Variants in AIG1 observed in about 807,000 individuals in gnomAD.
AIG1 encodes the protein androgen-induced gene 1 protein.
Under a neutral mutation model 31.4 loss-of-function variants are expected in AIG1, and 23 were observed. The ratio of observed to expected loss-of-function variants is 0.73; its 90% CI spans 0.53 to 1.04. AIG1 has a LOEUF of 1.04. AIG1 is among the 50% of genes least tolerant of loss of function. AIG1 has a pLI of 0.00. For missense variants in AIG1, 274 were observed against 295.0 expected (o/e 0.93, Z 0.52); for synonymous variants, 100 against 110.5 (o/e 0.90, Z 0.60).
downstream of AIG1, chr6:143,342,809 A>G: frequency 1.3e-6 from 1 of 798,706 alleles, no homozygotes; most frequent in Non-Finnish European, 2.3e-6. Flanking sequence ...CCTTCTCTGC[A>G]GTGGACAGTG....
chr6:143,106,156 T>G (rs936118858), intron 1 of AIG1, among the ~76,000 whole-genome samples: 1 of 152,134 alleles, frequency 6.6e-6, no homozygotes, highest in African/African-American at 2.4e-5. Flanking sequence ...TGACTGGTAT[T>G]CTTATAAAAA....
chr6:143,059,490 A>G (rs1013728522), upstream of AIG1, among the ~76,000 whole-genome samples: 1 of 152,206 alleles, frequency 6.6e-6, no homozygotes, highest in Non-Finnish European at 1.5e-5. Context: ...AGGATGCACA[A>G]TTAAAAAAAT....
intron 4 of AIG1, among the ~76,000 whole-genome samples, chr6:143,308,056 G>A (rs1329082297): frequency 3.9e-5 from 6 of 152,254 alleles, no homozygotes; most frequent in Admixed American, 6.5e-5. Context: ...TAAGCCCATC[G>A]GAGAAGCGCA....
chr6:143,064,070 T>C (rs1434324090), intron 1 of AIG1, among the ~76,000 whole-genome samples: 1 of 152,206 alleles, frequency 6.6e-6, no homozygotes, highest in Non-Finnish European at 1.5e-5. Flanking sequence ...AAAAGAACAC[T>C]GTCTTGGTGT....
chr6:143,217,301 T>C (rs1053939795), intron 3 of AIG1, among the ~76,000 whole-genome samples: 1 of 152,196 alleles, frequency 6.6e-6, no homozygotes, highest in Non-Finnish European at 1.5e-5. Context: ...ATCAAAAACT[T>C]GGATTGATAT....
chr6:143,178,845 T>C (rs964177023), intron 3 of AIG1, among the ~76,000 whole-genome samples: 7 of 152,202 alleles, frequency 4.6e-5, no homozygotes, highest in African/African-American at 1.7e-4. Context: ...GGTCTCTTTG[T>C]TGGAGTTTGT....
intron 4 of AIG1, among the ~76,000 whole-genome samples, chr6:143,289,929 A>C (rs986626438): frequency 1.3e-5 from 2 of 152,214 alleles, no homozygotes; most frequent in African/African-American, 4.8e-5. Context: ...CCAGTTAAAC[A>C]AATCTGGCCG....
intron 1 of AIG1, among the ~76,000 whole-genome samples, chr6:143,070,263 A>G (rs901896248): frequency 6.6e-6 from 1 of 152,192 alleles, no homozygotes; most frequent in Admixed American, 6.5e-5. Flanking sequence ...GATTTGGGGA[A>G]AGTTGGACAT....
At chr6:143,143,005 C>T (rs1784369307) in intron 2 of AIG1, among the ~76,000 whole-genome samples, 1 of 151,954 alleles carries the variant, frequency 6.6e-6, no homozygotes, top group Admixed American at 6.6e-5. Flanking sequence ...AGTCATAAAC[C>T]TACAACTTAA....
At chr6:143,114,832 C>G (rs1273104888) in intron 1 of AIG1, among the ~76,000 whole-genome samples, 1 of 152,260 alleles carries the variant, frequency 6.6e-6, no homozygotes, top group Middle Eastern at 3.4e-3. Flanking sequence ...ATGTAATATG[C>G]TTTTCTGTGC....
chr6:143,291,712 CCCATTCAGGGTT>C lies in AIG1; in HGVS notation c.515+7491_515+7502del, dbSNP rs1798074026. Among the ~76,000 whole-genome samples, 1 of 152,194 alleles carries C rather than the reference CCCATTCAGGGTT, an allele frequency of 6.6e-6. No homozygotes were observed. Among genetic ancestry groups the C allele is most frequent in the Non-Finnish European group, 1.5e-5 (1 of 68,028 alleles). On this transcript the variant is annotated intron_variant, in intron 4 of 5. Transcript: ENST00000357847. The surrounding 1 kb of genome is among the most constrained non-coding windows in gnomAD (Gnocchi z 4.2). The stretch of plus-strand genomic sequence containing the variant: ...ATGGAATAAATAAGTAAACCCCCCT[CCCATTCAGGGTT>C]CCAGCAATAAGCCTGCTGTGTTCAA...
intron 1 of AIG1, among the ~76,000 whole-genome samples, chr6:143,074,781 GT>G (rs1438926145): frequency 6.6e-6 from 1 of 152,054 alleles, no homozygotes; most frequent in Non-Finnish European, 1.5e-5. Flanking sequence ...ATTTTGTTGA[GT>G]TTTTTTGCCT....
At chr6:143,179,174 C>T (rs1394645234) in intron 3 of AIG1, among the ~76,000 whole-genome samples, 1 of 152,160 alleles carries the variant, frequency 6.6e-6, no homozygotes, top group African/African-American at 2.4e-5. Flanking sequence ...TGACAAGTAC[C>T]AGCATTATCA....
intron 3 of AIG1, among the ~76,000 whole-genome samples, chr6:143,267,315 T>C (rs1328364587): frequency 2.0e-5 from 3 of 152,202 alleles, no homozygotes; most frequent in African/African-American, 7.2e-5. Flanking sequence ...TCCTAGTCAT[T>C]CTTTATTCCT....
intron 3 of AIG1, among the ~76,000 whole-genome samples, chr6:143,186,088 G>A (rs1328184293): frequency 1.3e-5 from 2 of 152,174 alleles, no homozygotes; most frequent in Non-Finnish European, 2.9e-5. Flanking sequence ...AGCGCTCACA[G>A]CCCATGAGAG....
chr6:143,222,853 A>C (rs1792644565), intron 3 of AIG1, among the ~76,000 whole-genome samples: 1 of 152,218 alleles, frequency 6.6e-6, no homozygotes, highest in Non-Finnish European at 1.5e-5. Flanking sequence ...AAAAGTTCCA[A>C]AGCAGCTCCA....
At chr6:143,071,686 T>G (rs868542409) in intron 1 of AIG1, among the ~76,000 whole-genome samples, 5 of 148,672 alleles carry the variant, frequency 3.4e-5, no homozygotes, top group Admixed American at 1.3e-4. Context: ...TGGTTCTTTT[T>G]TTGTTGTTGT....
Position 143,339,859 on chromosome 6 carries a change from A to T in AIG1, c.*183A>T, listed in dbSNP as rs1333881004. The stretch of plus-strand genomic sequence containing the variant: ...CATAGAATACAGTTGTTTCCAAAAG[A>T]ACTCACCCTCACTGTGTGTTAAAGA... On this transcript the variant is annotated 3_prime_UTR_variant, in exon 6 of 6. Coordinates refer to ENST00000357847, the MANE Select transcript of AIG1 (RefSeq NM_016108.4). The T allele has an allele frequency of 1.1e-5, 5 of 459,608 alleles. No homozygotes were observed. The East Asian group carries it at 1.1e-4, about 10-fold the overall frequency. 28.5% of individuals were successfully genotyped at this position (459,608 alleles called of 1,614,324 possible).
intron 2 of AIG1, among the ~76,000 whole-genome samples, chr6:143,148,206 A>C (rs574127753): frequency 1.3e-5 from 2 of 152,100 alleles, no homozygotes; most frequent in East Asian, 3.9e-4. Flanking sequence ...TAAGATTATA[A>C]ACCTATATTA....
Sources: gnomAD v4.1 joint callset for allele counts (sites outside exome capture counted in the v4.1 genomes callset) on GRCh38, gnomAD v4.1.1 for gene constraint, Gnocchi (gnomAD v3.1) non-coding constraint, MANE v1.5 for transcripts, NCBI Gene and HGNC (gene_info 2026-07-23, HGNC 2026-07-21) for gene names.